Variants in DENND2B observed in about 807,000 individuals in gnomAD.
DENND2B encodes DENN domain-containing protein 2B.
A neutral mutation model predicts 116.0 loss-of-function variants in DENND2B; 32 were observed. The observed-to-expected ratio is 0.28, with a 90% CI of 0.21 to 0.37. The LOEUF (loss-of-function observed/expected upper bound fraction) is 0.37, where lower values mean the gene tolerates loss of function less well. Among genes scored for constraint, DENND2B ranks in the 10% least tolerant of loss-of-function variants. DENND2B has a pLI of 1.00. For synonymous variants in DENND2B, 588 were observed against 583.9 expected (o/e 1.01, Z -0.10); for missense variants, 1,276 against 1,477.7 (o/e 0.86, Z 2.24).
chr11:8,857,734 A>G (rs2063244888), intron 2 of DENND2B, among the ~76,000 whole-genome samples: 1 of 152,204 alleles, frequency 6.6e-6, no homozygotes, highest in Admixed American at 6.5e-5. Flanking sequence ...GAACTAAATT[A>G]GGAGTCAAAA....
chr11:8,711,215 T>A lies in DENND2B; in HGVS notation c.2189A>T (p.Lys730Met), dbSNP rs764989861. 1 of 1,613,890 alleles carries A rather than the reference T, an allele frequency of 6.2e-7. No homozygotes were observed. The highest frequency in any genetic ancestry group is 8.5e-7 in the Non-Finnish European group (1 of 1,180,010). The change falls in exon 10 of 20, where the codon AAG becomes ATG. Residue 730 changes from lysine to methionine, a missense_variant. By Grantham distance (95) the Lys-to-Met change is moderately conservative. Transcript: ENST00000313726. ...YQFPKLDRPTKQMREAEERLK... is the reference protein window; with the variant it reads ...YQFPKLDRPTMQMREAEERLK... Reference sequence around the variant, plus strand: ...CCTTTCCTCTGCCTCTCGCATCTGCTTGGTGGGTCGGTCCAGCTGCAGGGA... The same window carrying A: ...CCTTTCCTCTGCCTCTCGCATCTGCATGGTGGGTCGGTCCAGCTGCAGGGA...
chr11:8,753,878 C>A (rs921850783), intron 1 of DENND2B, among the ~76,000 whole-genome samples: 5 of 152,080 alleles, frequency 3.3e-5, no homozygotes, highest in African/African-American at 1.2e-4. Flanking sequence ...TAGGGCCCCA[C>A]CTCATACCAT....
intron 1 of DENND2B, among the ~76,000 whole-genome samples, chr11:8,765,918 A>T (rs2055662866): frequency 6.6e-6 from 1 of 152,130 alleles, no homozygotes; most frequent in African/African-American, 2.4e-5. Context: ...GCCTGCCTGT[A>T]GTCCCAGCTA....
intron 13 of DENND2B, among the ~76,000 whole-genome samples, chr11:8,703,840 T>A (rs1042552787): frequency 6.6e-6 from 1 of 152,180 alleles, no homozygotes; most frequent in Non-Finnish European, 1.5e-5. Context: ...GATGGTGTAC[T>A]CCCAGAAGGC....
chr11:8,788,256 A>C (rs1219107325), intron 1 of DENND2B, among the ~76,000 whole-genome samples: 1 of 152,176 alleles, frequency 6.6e-6, no homozygotes, highest in Non-Finnish European at 1.5e-5. Context: ...TACTATGCAA[A>C]GGGATCCCTC....
At chr11:8,829,605 T>A (rs955984642) in intron 4 of DENND2B, among the ~76,000 whole-genome samples, 1 of 152,142 alleles carries the variant, frequency 6.6e-6, no homozygotes, top group African/African-American at 2.4e-5. Flanking sequence ...TGAGTAAGTT[T>A]CTCTCAGCTC....
intron 4 of DENND2B, among the ~76,000 whole-genome samples, chr11:8,828,467 G>A (rs933136441): frequency 6.6e-6 from 1 of 152,112 alleles, no homozygotes; most frequent in Admixed American, 6.5e-5. Flanking sequence ...GGGTCAGGAC[G>A]CAGACCACAA....
chr11:8,862,030 G>T (rs979848883), intron 2 of DENND2B, among the ~76,000 whole-genome samples: 1 of 151,856 alleles, frequency 6.6e-6, no homozygotes, highest in Non-Finnish European at 1.5e-5. Flanking sequence ...GACACAGAAG[G>T]GGGAGGAAGG....
chr11:8,759,220 C>T (rs1331870439), intron 1 of DENND2B, among the ~76,000 whole-genome samples: 2 of 152,210 alleles, frequency 1.3e-5, no homozygotes, highest in Non-Finnish European at 2.9e-5. Flanking sequence ...GAGCAAAAAA[C>T]CTGTCTGTCC....
chr11:8,859,590 G>A lies in DENND2B; in HGVS notation c.-249-2154C>T, dbSNP rs368201857. On this transcript the variant is annotated intron_variant, in intron 2 of 6. Transcript: ENST00000524757. ...CCCAAAGTGCTGGGATTACAGGCGT[G>A]AGCCACCGCGCCCGGCCACGTGTTT... Among the ~76,000 whole-genome samples the A allele has an allele frequency of 4.5e-4, 68 of 152,154 alleles. No individual in the cohort carries two copies. The East Asian group carries it at 0.011, about 24-fold the overall frequency.
At chr11:8,765,715 G>A (rs1311079384) in intron 1 of DENND2B, among the ~76,000 whole-genome samples, 1 of 151,592 alleles carries the variant, frequency 6.6e-6, no homozygotes, top group Non-Finnish European at 1.5e-5. Context: ...TGGCTACTCA[G>A]TTGTTAGGAT....
At chr11:8,739,630 C>G (rs1022406912) in intron 2 of DENND2B, among the ~76,000 whole-genome samples, 22 of 152,366 alleles carry the variant, frequency 1.4e-4, no homozygotes, top group African/African-American at 5.3e-4. Context: ...GGCACTTGTG[C>G]CGTGGCCTTG....
At chr11:8,772,850 C>T (rs1215794959) in intron 1 of DENND2B, among the ~76,000 whole-genome samples, 2 of 151,920 alleles carry the variant, frequency 1.3e-5, no homozygotes, top group East Asian at 1.9e-4. Flanking sequence ...GGGTGAGTGG[C>T]AATCCCAACT....
chr11:8,840,257 G>C (rs910673367), intron 3 of DENND2B, among the ~76,000 whole-genome samples: 1 of 152,136 alleles, frequency 6.6e-6, no homozygotes, highest in African/African-American at 2.4e-5. Flanking sequence ...GAGGGGACTT[G>C]GGGAGTTCCC....
At chr11:8,847,235 T>C (rs1335908914) in intron 3 of DENND2B, among the ~76,000 whole-genome samples, 7 of 152,168 alleles carry the variant, frequency 4.6e-5, no homozygotes, top group Admixed American at 2.0e-4. Flanking sequence ...CATTCTCCCA[T>C]CATGGGAGGC....
At chr11:8,883,745 AC>A (rs1382094549) in intron 1 of DENND2B, among the ~76,000 whole-genome samples, 1 of 152,256 alleles carries the variant, frequency 6.6e-6, no homozygotes, top group Non-Finnish European at 1.5e-5. Context: ...CTTTTTCTCT[AC>A]ATAATCACTA....
intron 10 of DENND2B, 31 bp downstream of exon 10, chr11:8,711,091 C>A (rs567460187): frequency 1.2e-6 from 2 of 1,608,480 alleles, no homozygotes; most frequent in African/African-American, 1.3e-5. Context: ...AGGCTATGCT[C>A]CTTCCTCCCT....
intron 4 of DENND2B, among the ~76,000 whole-genome samples, chr11:8,821,079 T>C (rs2061742577): frequency 6.7e-6 from 1 of 150,350 alleles, no homozygotes; most frequent in Non-Finnish European, 1.5e-5. Flanking sequence ...GAGATCGTGT[T>C]ACTGCATTCC....
Position 8,710,948 on chromosome 11 carries a change from G to GT in DENND2B, c.2283-35dup, listed in dbSNP as rs761359867. 3.2e-5 allele frequency: 51 copies of GT among 1,612,256 alleles called. No homozygotes were observed. The East Asian group carries it at 1.1e-3, about 34-fold the overall frequency. On this transcript the variant is annotated intron_variant, in intron 10 of 19. Transcript: ENST00000313726. ...AAGAGAGGTCTGGCATCAGGGAGGT[G>GT]TGAGAGGACCTAGGAAACAGCCCCC...
Sources: gnomAD v4.1 joint callset for allele counts (sites outside exome capture counted in the v4.1 genomes callset) on GRCh38, gnomAD v4.1.1 for gene constraint, MANE v1.5 for transcripts, NCBI Gene and HGNC (gene_info 2026-07-23, HGNC 2026-07-21) for gene names.